The following APBA1 variants were observed in gnomAD, a reference collection of about 807,000 sequenced individuals.
The protein encoded by APBA1 is amyloid-beta A4 precursor protein-binding family A member 1.
A neutral mutation model predicts 86.6 loss-of-function variants in APBA1; 55 were observed. The observed-to-expected ratio is 0.64, with a 90% CI of 0.51 to 0.80. The LOEUF (loss-of-function observed/expected upper bound fraction) is 0.80. APBA1 is among the 30% of genes least tolerant of loss of function. The probability of loss-of-function intolerance (pLI) is 0.00; values close to 1 mark genes in which losing one functional copy is unlikely to be tolerated. For synonymous variants in APBA1, 511 were observed against 493.9 expected (o/e 1.03, Z -0.46); for missense variants, 1,090 against 1,183.0 (o/e 0.92, Z 1.15).
intron 2 of APBA1, among the ~76,000 whole-genome samples, chr9:69,503,664 G>A (rs887592397): frequency 2.0e-5 from 3 of 152,030 alleles, no homozygotes; most frequent in African/African-American, 4.8e-5. Context: ...GTCTTCTATG[G>A]ACTGATCAAT....
rs149106686 is a variant in APBA1, at chr9:69,456,577, C to T, written c.1603-145G>A. ...TGCAAAGCCCATGCTGAGGGATCAA[C>T]GGATACCCACCCAGGCCGGAGGGCA... is the stretch of plus-strand genomic sequence containing the variant. On this transcript the variant is annotated intron_variant, in intron 7 of 12. Transcript: ENST00000265381. 9.5e-4 allele frequency: 741 copies of T among 780,816 alleles called. 3 individuals are homozygous for T. The African/African-American group carries it at 0.011, about 12-fold the overall frequency. The allele number at this position is 780,816 out of a possible 1,614,324, so 48.4% of individuals were successfully genotyped here.
chr9:69,659,602 T>C (rs1221077326), intron 1 of APBA1, among the ~76,000 whole-genome samples: 2 of 152,168 alleles, frequency 1.3e-5, no homozygotes, highest in African/African-American at 4.8e-5. Flanking sequence ...CCATGTTGTG[T>C]TTCACAGGGA....
intron 1 of APBA1, among the ~76,000 whole-genome samples, chr9:69,658,316 T>TTCTTTCTCTCTCTTTCTCTCTCTCTC (rs1564105100): frequency 1.2e-4 from 10 of 82,918 alleles, no homozygotes; most frequent in Middle Eastern, 6.0e-3. Flanking sequence ...CTTTCTTTCT[T>TTCTTTCTCTCTCTTTCTCTCTCTCTC]TCTTTCTTTC....
chr9:69,658,304 C>CTTTCTTTCTTTCTTTCTTTCTTTCTT (rs1554709959), intron 1 of APBA1, among the ~76,000 whole-genome samples: 3 of 79,944 alleles, frequency 3.8e-5, no homozygotes, highest in Non-Finnish European at 7.7e-5. Flanking sequence ...TTCTCTCTCT[C>CTTTCTTTCTTTCTTTCTTTCTTTCTT]TCTTTCTTTC....
At chr9:69,563,652 T>C (rs1374003091) in intron 1 of APBA1, among the ~76,000 whole-genome samples, 1 of 152,150 alleles carries the variant, frequency 6.6e-6, no homozygotes, top group Admixed American at 6.5e-5. Context: ...GGTTTTAATT[T>C]TTTTTTTTTA....
chr9:69,454,191 TACTTA>T (rs1339076957), intron 8 of APBA1, among the ~76,000 whole-genome samples: 4 of 152,202 alleles, frequency 2.6e-5, no homozygotes, highest in Admixed American at 6.5e-5. Context: ...GGAAAAGAAA[TACTTA>T]ACTTTTCTCA....
intron 1 of APBA1, among the ~76,000 whole-genome samples, chr9:69,531,486 C>G (rs1836433052): frequency 1.3e-5 from 2 of 152,212 alleles, no homozygotes; most frequent in Admixed American, 1.3e-4. Flanking sequence ...TTACCCCTGT[C>G]CTCTAATTTC....
At chr9:69,556,255 A>G (rs897872714) in intron 1 of APBA1, among the ~76,000 whole-genome samples, 5 of 152,172 alleles carry the variant, frequency 3.3e-5, no homozygotes, top group African/African-American at 9.7e-5. Context: ...CAGTTCAAAT[A>G]TATCTGGATC....
intron 10 of APBA1, among the ~76,000 whole-genome samples, chr9:69,445,589 C>T (rs1242491000): frequency 3.3e-5 from 5 of 152,040 alleles, no homozygotes; most frequent in Non-Finnish European, 7.3e-5. Flanking sequence ...GGAAGCTGTG[C>T]GCTATTCTAA....
At position 69,476,124 on chromosome 9, in the gene APBA1, G is replaced by A. The variant is rs1197003426; in HGVS notation, c.1220C>T (p.Ser407Phe). The A allele has an allele frequency of 6.2e-7, 1 of 1,613,798 alleles. No individual in the cohort carries two copies. The highest frequency in any genetic ancestry group is 1.1e-5 in the South Asian group (1 of 91,032). Residue 407 changes from serine (S) to phenylalanine (F), a missense_variant, in exon 3 of 13, where the codon TCC becomes TTC. By Grantham distance (155) the Ser-to-Phe change is radical (BLOSUM62 -2). Coordinates refer to ENST00000265381, the MANE Select transcript of APBA1 (RefSeq NM_001163.4). ...MDGDSPSPGS[S>F]SPLGAESSST... Reference sequence around the variant, plus strand: ...TGATGACTCTGCACCCAAGGGGGAGGAGCTGCCAGGAGACGGAGACTAGAA... The same window carrying A: ...TGATGACTCTGCACCCAAGGGGGAGAAGCTGCCAGGAGACGGAGACTAGAA...
At chr9:69,535,094 G>C (rs908196219) in intron 1 of APBA1, among the ~76,000 whole-genome samples, 6 of 151,998 alleles carry the variant, frequency 3.9e-5, no homozygotes, top group Admixed American at 6.6e-5. Context: ...TTTATCATCT[G>C]CCAACACAAT....
intron 2 of APBA1, among the ~76,000 whole-genome samples, chr9:69,506,107 A>T (rs575404198): frequency 2.6e-5 from 4 of 151,886 alleles, no homozygotes; most frequent in East Asian, 1.9e-4. Context: ...GCTCCCAGCG[A>T]GAGCGACACA....
intron 11 of APBA1, among the ~76,000 whole-genome samples, chr9:69,435,308 C>A (rs1179436015): frequency 1.3e-5 from 2 of 152,032 alleles, no homozygotes; most frequent in Non-Finnish European, 2.9e-5. Flanking sequence ...GGGTGTATAC[C>A]CAGTAATGGG....
chr9:69,635,577 CAATGATCTGTTGCCT>C (rs1823140249), intron 1 of APBA1, among the ~76,000 whole-genome samples: 1 of 151,878 alleles, frequency 6.6e-6, no homozygotes, highest in South Asian at 2.1e-4. Context: ...AAACAAGACC[CAATGATCTGTTGCCT>C]AAAAGAAATA....
At chr9:69,608,654 C>T (rs1822523190) in intron 1 of APBA1, among the ~76,000 whole-genome samples, 1 of 152,166 alleles carries the variant, frequency 6.6e-6, no homozygotes, top group Non-Finnish European at 1.5e-5. Flanking sequence ...TAAGAGGCCC[C>T]CCTTTGAGTC....
At chr9:69,433,315 CCT>C (rs1219697583) in intron 11 of APBA1, among the ~76,000 whole-genome samples, 6 of 152,336 alleles carry the variant, frequency 3.9e-5, no homozygotes, top group African/African-American at 1.4e-4. Flanking sequence ...TCCACCCTTA[CCT>C]CACACACACT....
intron 1 of APBA1, among the ~76,000 whole-genome samples, chr9:69,585,919 G>A (rs887460892): frequency 3.3e-5 from 5 of 152,052 alleles, no homozygotes; most frequent in Admixed American, 6.5e-5. Context: ...TGGGCTCTGC[G>A]ACCTGCTGGC....
intron 1 of APBA1, among the ~76,000 whole-genome samples, chr9:69,658,240 C>CTT (rs1366029678): frequency 5.3e-5 from 1 of 19,024 alleles, no homozygotes; most frequent in Non-Finnish European, 2.7e-4. Flanking sequence ...TTCTTTCTTT[C>CTT]TTTCTTTCTT....
chr9:69,504,296 C>G (rs1017124789), intron 2 of APBA1, among the ~76,000 whole-genome samples: 3 of 152,012 alleles, frequency 2.0e-5, no homozygotes, highest in African/African-American at 7.2e-5. Flanking sequence ...ATAATTTCCC[C>G]TTCTGTTTTA....
Sources: gnomAD v4.1 joint callset for allele counts (sites outside exome capture counted in the v4.1 genomes callset) on GRCh38, gnomAD v4.1.1 for gene constraint, MANE v1.5 for transcripts, NCBI Gene and HGNC (gene_info 2026-07-23, HGNC 2026-07-21) for gene names.